AFF3: variants seen among roughly 807,000 people sequenced by gnomAD.
AFF3 encodes AF4/FMR2 family member 3.
A neutral mutation model predicts 129.7 loss-of-function variants in AFF3; 32 were observed. The ratio of observed to expected loss-of-function variants is 0.25; its 90% CI spans 0.19 to 0.33. The LOEUF (loss-of-function observed/expected upper bound fraction) is 0.33, where lower values mean the gene tolerates loss of function less well. Ranked by LOEUF, AFF3 falls within the 10% of genes least tolerant of loss-of-function variation. The pLI is 1.00. For synonymous variants in AFF3, 644 were observed against 635.4 expected (o/e 1.01, Z -0.20); for missense variants, 1,373 against 1,592.0 (o/e 0.86, Z 2.34).
chr2:99,586,158 G>A (rs952178835), intron 16 of AFF3, among the ~76,000 whole-genome samples: 1 of 152,194 alleles, frequency 6.6e-6, no homozygotes, highest in African/African-American at 2.4e-5. Flanking sequence ...AGCACTAAAG[G>A]ATATCACACA....
chr2:100,081,742 G>T (rs1689065931), intron 4 of AFF3, among the ~76,000 whole-genome samples: 4 of 152,270 alleles, frequency 2.6e-5, no homozygotes, highest in Middle Eastern at 6.8e-3. Flanking sequence ...TGAGTGTAAG[G>T]TACTGTCATA....
chr2:100,057,257 G>A (rs980632060), intron 4 of AFF3, among the ~76,000 whole-genome samples: 1 of 143,114 alleles, frequency 7.0e-6, no homozygotes, highest in Non-Finnish European at 1.5e-5. Flanking sequence ...GGAGGCAGAG[G>A]TTGCAGTGAG....
intron 8 of AFF3, among the ~76,000 whole-genome samples, chr2:99,831,743 C>T (rs888199000): frequency 6.6e-6 from 1 of 152,156 alleles, no homozygotes; most frequent in African/African-American, 2.4e-5. Context: ...AAAATGTGAA[C>T]GGACTATATG....
At chr2:99,744,041 C>T in intron 10 of AFF3, 63 bp downstream of exon 10, 2 of 1,420,340 alleles carry the variant, frequency 1.4e-6, no homozygotes, top group Non-Finnish European at 2.0e-6. Flanking sequence ...CCTCCCTCCC[C>T]TTCTGCCCTC....
chr2:99,553,918 C>CAAA (rs61326965), intron 24 of AFF3, among the ~76,000 whole-genome samples: 192 of 56,842 alleles, frequency 3.4e-3, no homozygotes, highest in African/African-American at 8.9e-3. Context: ...TGTCTCAAAC[C>CAAA]AAAAAAAAAA....
At chr2:100,141,889 C>T (rs796953136) in intron 1 of AFF3, among the ~76,000 whole-genome samples, 38 of 152,188 alleles carry the variant, frequency 2.5e-4, no homozygotes, top group Middle Eastern at 3.4e-3. Context: ...CAAATACACA[C>T]ATATACAATG....
intron 4 of AFF3, among the ~76,000 whole-genome samples, chr2:100,013,644 C>T (rs571146217): frequency 2.0e-5 from 3 of 152,250 alleles, no homozygotes; most frequent in African/African-American, 7.2e-5. Flanking sequence ...ACATGAGCCC[C>T]AGAGGCAAAA....
At chr2:99,909,122 T>C (rs971910870) in intron 7 of AFF3, among the ~76,000 whole-genome samples, 2 of 151,882 alleles carry the variant, frequency 1.3e-5, no homozygotes, top group African/African-American at 2.4e-5. Context: ...ATTAAGAAAA[T>C]GTGGCACATA....
chr2:99,663,212 A>T (rs956572320), intron 12 of AFF3, among the ~76,000 whole-genome samples: 1 of 152,202 alleles, frequency 6.6e-6, no homozygotes, highest in Admixed American at 6.5e-5. Flanking sequence ...TTCCATTACA[A>T]TTGGCAATCT....
At chr2:99,584,872 C>T (rs532169736) in intron 16 of AFF3, among the ~76,000 whole-genome samples, 20 of 152,308 alleles carry the variant, frequency 1.3e-4, no homozygotes, top group African/African-American at 4.3e-4. Flanking sequence ...AAAGTCACTT[C>T]GAAAAGCAAT....
chr2:100,061,682 C>T lies in AFF3; in HGVS notation c.53+42720G>A, dbSNP rs991825979. 4.6e-5 allele frequency among the ~76,000 whole-genome samples: 7 copies of T among 152,128 alleles called. No individual in the cohort carries two copies. In the East Asian group the frequency reaches 9.6e-4, roughly 21 times the overall value. On this transcript the variant is annotated intron_variant, in intron 4 of 24. Coordinates refer to ENST00000672756, the MANE Select transcript of AFF3 (RefSeq NM_001386135.1). ...TTCCAAAGTGAGGTGCCAGGCTCTC[C>T]AAAGGAGCTTTTCAAAGTTAATGTG...
chr2:100,084,189 G>A, intron 4 of AFF3, among the ~76,000 whole-genome samples: 1 of 152,204 alleles, frequency 6.6e-6, no homozygotes, highest in Non-Finnish European at 1.5e-5. Context: ...CCCTCATTTA[G>A]TCAATAAACA....
At chr2:100,079,804 G>A (rs1479369993) in intron 4 of AFF3, among the ~76,000 whole-genome samples, 1 of 152,112 alleles carries the variant, frequency 6.6e-6, no homozygotes, top group African/African-American at 2.4e-5. Context: ...TACAAGAAAG[G>A]TCTGATGCCG....
chr2:99,671,391 T>C (rs1687130840), intron 12 of AFF3, among the ~76,000 whole-genome samples: 1 of 152,174 alleles, frequency 6.6e-6, no homozygotes, highest in South Asian at 2.1e-4. Context: ...CACTGGGTAT[T>C]CTCCACCTGC....
chr2:99,819,218 T>C (rs1484487727), intron 8 of AFF3, among the ~76,000 whole-genome samples: 1 of 152,270 alleles, frequency 6.6e-6, no homozygotes, highest in Non-Finnish European at 1.5e-5. Flanking sequence ...CCAACACTTT[T>C]GGTTTTCAAA....
At chr2:99,933,213 CA>C (rs2106309929) in intron 7 of AFF3, among the ~76,000 whole-genome samples, 1 of 152,076 alleles carries the variant, frequency 6.6e-6, no homozygotes, top group East Asian at 1.9e-4. Flanking sequence ...TTCAGACAAA[CA>C]CAACATTCTG....
chr2:99,584,350 C>T (rs554428732), intron 16 of AFF3, among the ~76,000 whole-genome samples: 3 of 152,266 alleles, frequency 2.0e-5, no homozygotes, highest in South Asian at 4.1e-4. Flanking sequence ...TGCCTGTAAT[C>T]CCAGCTACTC....
chr2:99,574,753 T>C (rs1372773329), intron 18 of AFF3, among the ~76,000 whole-genome samples: 1 of 152,240 alleles, frequency 6.6e-6, no homozygotes, highest in African/African-American at 2.4e-5. Flanking sequence ...CAGTGTGGCA[T>C]CTGTTACTTT....
chr2:99,677,510 C>T (rs1378077418), intron 11 of AFF3, among the ~76,000 whole-genome samples: 1 of 152,038 alleles, frequency 6.6e-6, no homozygotes, highest in African/African-American at 2.4e-5. Context: ...GGAACTTGTC[C>T]TTACAATGAT....
Sources: allele counts gnomAD v4.1 joint callset (sites outside exome capture counted in the v4.1 genomes callset), GRCh38; gene constraint gnomAD v4.1.1; transcripts MANE v1.5; gene names NCBI Gene and HGNC (gene_info 2026-07-23, HGNC 2026-07-21).